Variants in GLI4 observed in about 807,000 individuals in gnomAD.
GLI4 encodes the protein GLI family zinc finger 4.
A neutral mutation model predicts 30.9 loss-of-function variants in GLI4; 34 were observed. The observed-to-expected ratio is 1.10, with a 90% CI of 0.84 to 1.47. The LOEUF is 1.47. Among genes scored for constraint, GLI4 ranks in the 40% most tolerant of loss-of-function variants. The probability of loss-of-function intolerance (pLI) is 0.00; values close to 1 mark genes in which losing one functional copy is unlikely to be tolerated. For missense variants in GLI4, 696 were observed against 538.9 expected, an observed-to-expected ratio of 1.29 and a Z score of -2.89; for synonymous variants, 277 against 236.7, an observed-to-expected ratio of 1.17 and a Z score of -1.56.
At chr8:143,270,886 A>G (rs1232099839) in intron 2 of GLI4, among the ~76,000 whole-genome samples, 1 of 152,202 alleles carries the variant, frequency 6.6e-6, no homozygotes, top group East Asian at 1.9e-4. Flanking sequence ...GCTGCAGGCC[A>G]GTTTCTGCAG....
chr8:143,275,953 G>GA lies in GLI4; in HGVS notation c.281dup (p.Ala96GlyfsTer25). On this transcript the variant is annotated frameshift_variant, in exon 4 of 4. Transcript: ENST00000340042. LOFTEE classifies it low-confidence loss of function (END_TRUNC). ...CTCTCCTGGCTCTCAGGCCCCTGAC[G>GA]AGGGGGCGGGCGGGGCGCTGCGCAG... The GA allele has an allele frequency of 7.5e-7, 1 of 1,330,594 alleles. No homozygotes were observed. The allele number at this position is 1,330,594 out of a possible 1,614,324, so 82.4% of individuals were successfully genotyped here. A position where few individuals can be genotyped will look rare whatever the true frequency, so the allele number is the denominator to read the frequency against.
chr8:143,269,712 G>C (rs1255191630), intron 2 of GLI4, among the ~76,000 whole-genome samples, 192 bp downstream of exon 2: 1 of 152,228 alleles, frequency 6.6e-6, no homozygotes, highest in Non-Finnish European at 1.5e-5. Flanking sequence ...TTGGGGCAGC[G>C]GTGGTTGAGG....
chr8:143,271,785 G>A (rs983508790), intron 2 of GLI4, among the ~76,000 whole-genome samples: 6 of 152,160 alleles, frequency 3.9e-5, no homozygotes, highest in South Asian at 4.1e-4. Flanking sequence ...AGGAGCGGCC[G>A]GGTAAGGTTC....
At position 143,276,512 on chromosome 8, in the gene GLI4, C is replaced by T; in HGVS notation, c.839C>T (p.Ser280Phe). 1 of 1,613,044 alleles carries T rather than the reference C, an allele frequency of 6.2e-7. No homozygotes were observed. Among genetic ancestry groups the T allele is most frequent in the Non-Finnish European group, 8.5e-7 (1 of 1,179,848 alleles). The change falls in exon 4 of 4, where the codon TCC (serine) becomes TTC (phenylalanine). Residue 280 changes from serine (S) to phenylalanine (F), a missense_variant. Physicochemically the swap from Ser to Phe is radical, Grantham distance 155. Coordinates refer to ENST00000340042, the MANE Select transcript of GLI4 (RefSeq NM_138465.4). ...GECGQAFSQS[S>F]NLVRHQRLHT... ...TGCGGCCAGGCCTTCAGCCAGAGCT[C>T]CAACCTGGTGCGCCACCAGCGGCTG... is the stretch of plus-strand genomic sequence containing the variant.
intron 3 of GLI4, 79 bp downstream of exon 3, chr8:143,274,881 ACCC>A: frequency 1.3e-6 from 2 of 1,501,010 alleles, no homozygotes; most frequent in Non-Finnish European, 1.8e-6. Flanking sequence ...CCTCTGTGGC[ACCC>A]CCAATGCTGG....
rs768516465 is a variant in GLI4, at chr8:143,276,348, C to T, written c.675C>T (p.Gly225=). Residue 225 remains glycine (G), a synonymous_variant, in exon 4 of 4, where the codon GGC becomes GGT. Coordinates refer to ENST00000340042, the MANE Select transcript of GLI4 (RefSeq NM_138465.4). Reference sequence around the variant, plus strand: ...GCAAGCGCTTCCGCGGCTGGTCGGGCTTCATCCAGCACCACCGCATCCACA... The same window carrying T: ...GCAAGCGCTTCCGCGGCTGGTCGGGTTTCATCCAGCACCACCGCATCCACA... The part of the protein sequence containing the change: ...ECGKRFRGWS[G]FIQHHRIHTG... The T allele has an allele frequency of 6.2e-7, 1 of 1,607,762 alleles. No homozygotes were observed. Among genetic ancestry groups the T allele is most frequent in the African/African-American group, 1.4e-5 (1 of 73,616 alleles).
intron 2 of GLI4, chr8:143,273,170 C>T (rs1446571427): frequency 1.3e-5 from 2 of 152,404 alleles, no homozygotes; most frequent in Non-Finnish European, 2.9e-5. Context: ...CTCACCGCCC[C>T]CTCTGTAGGA....
chr8:143,276,494 A>G lies in GLI4; in HGVS notation c.821A>G (p.Gln274Arg). The change falls in exon 4 of 4, where the codon CAG (glutamine) becomes CGG (arginine). Residue 274 changes from glutamine (Q) to arginine (R), a missense_variant. Gln to Arg is a conservative substitution (Grantham distance 43). Transcript: ENST00000340042. Reference protein sequence around the residue: ...EKPYKCGECGQAFSQSSNLVR... With the variant: ...EKPYKCGECGRAFSQSSNLVR... Reference sequence around the variant, plus strand: ...CCCTACAAGTGCGGCGAGTGCGGCCAGGCCTTCAGCCAGAGCTCCAACCTG... The same window carrying G: ...CCCTACAAGTGCGGCGAGTGCGGCCGGGCCTTCAGCCAGAGCTCCAACCTG... The G allele has an allele frequency of 6.2e-7, 1 of 1,613,060 alleles. No homozygotes were observed. Among genetic ancestry groups the G allele is most frequent in the Non-Finnish European group, 8.5e-7 (1 of 1,179,850 alleles).
chr8:143,275,633 C>T (rs1477834912), intron 3 of GLI4: 1 of 1,233,388 alleles, frequency 8.1e-7, no homozygotes, highest in Non-Finnish European at 1.0e-6. Flanking sequence ...CTCCGTGCAC[C>T]GGCACGGCCG....
At chr8:143,274,549 C>G in intron 2 of GLI4, 155 bp from the exon 3 acceptor site, 1 of 623,000 alleles carries the variant, frequency 1.6e-6, no homozygotes, top group Non-Finnish European at 2.5e-6. Flanking sequence ...GCATTCGTGG[C>G]TAGAGAAGCC....
intron 1 of GLI4, chr8:143,268,015 C>T (rs1815176744): frequency 2.0e-6 from 2 of 985,348 alleles, no homozygotes; most frequent in Middle Eastern, 5.2e-4. Context: ...GGGGCGTCCA[C>T]GCTGTGATGG....
intron 1 of GLI4, chr8:143,267,970 CT>C: frequency 1.0e-6 from 1 of 985,430 alleles, no homozygotes; most frequent in Non-Finnish European, 1.2e-6. Context: ...CCCCTTCAGT[CT>C]GGAGCTCAGA....
rs767328365 is a variant in GLI4 at position 143,276,654 on chromosome 8, C to T, written c.981C>T (p.Asp327=). The T allele has an allele frequency of 6.2e-7, 1 of 1,611,968 alleles. No individual in the cohort carries two copies. Among genetic ancestry groups the T allele is most frequent in the South Asian group, 1.1e-5 (1 of 91,010 alleles). The change falls in exon 4 of 4, where the codon GAC becomes GAT. Residue 327 remains aspartate, a synonymous_variant. Coordinates refer to ENST00000340042, the MANE Select transcript of GLI4 (RefSeq NM_138465.4). ...HTGEKPYECS[D]CGKAFRGRSH... ...GCGAGAAGCCCTACGAGTGCTCCGA[C>T]TGCGGCAAAGCCTTCCGCGGCCGCT...
Position 143,276,295 on chromosome 8 carries a change from G to A in GLI4, c.622G>A (p.Glu208Lys). The stretch of plus-strand genomic sequence containing the variant: ...GAAGCACCAGCGCATCCACACGGGC[G>A]AGAAGCCCTACGCCTGCCACGAGTG... ...LLKHQRIHTG[E>K]KPYACHECGK... is the part of the protein sequence containing the mutation. Residue 208 changes from glutamate (E) to lysine (K), a missense_variant, in exon 4 of 4, where the codon GAG becomes AAG. Physicochemically the swap from Glu to Lys is moderately conservative, Grantham distance 56. Coordinates refer to ENST00000340042, the MANE Select transcript of GLI4 (RefSeq NM_138465.4). 6.2e-7 allele frequency: 1 copy of A among 1,611,800 alleles called. No homozygotes were observed. Among genetic ancestry groups the A allele is most frequent in the Non-Finnish European group, 8.5e-7 (1 of 1,179,506 alleles).
intron 1 of GLI4, among the ~76,000 whole-genome samples, chr8:143,268,286 C>T (rs938131225): frequency 2.0e-5 from 3 of 152,212 alleles, no homozygotes; most frequent in Admixed American, 6.5e-5. Flanking sequence ...GTCTGCTGTT[C>T]TTAGATCTGA....
At position 143,276,839 on chromosome 8, in the gene GLI4, C is replaced by T; in HGVS notation, c.*35C>T. 7.4e-7 allele frequency: 1 copy of T among 1,344,404 alleles called. No individual in the cohort carries two copies. Among genetic ancestry groups the T allele is most frequent in the South Asian group, 1.4e-5 (1 of 71,778 alleles). The allele number at this position is 1,344,404 out of a possible 1,614,324, so 83.3% of individuals were successfully genotyped here. On this transcript the variant is annotated 3_prime_UTR_variant, in exon 4 of 4. Transcript: ENST00000340042. ...GGCTCGGGGCTCGGCCTCCTACCTG[C>T]CCCCAACCCACCCTCCACCCCGTCC...
At chr8:143,268,470 C>G (rs2129658543) in intron 1 of GLI4, among the ~76,000 whole-genome samples, 1 of 152,314 alleles carries the variant, frequency 6.6e-6, no homozygotes. Context: ...TCTCCCAGTG[C>G]TGCTGCAGGG....
At chr8:143,271,763 GTGAGGGGCA>G in intron 2 of GLI4, among the ~76,000 whole-genome samples, 1 of 152,278 alleles carries the variant, frequency 6.6e-6, no homozygotes, top group African/African-American at 2.4e-5. Context: ...GGGGAGGGTC[GTGAGGGGCA>G]TGAGGAGCGG....
chr8:143,272,158 C>T (rs1198405078), intron 2 of GLI4, among the ~76,000 whole-genome samples: 3 of 152,150 alleles, frequency 2.0e-5, no homozygotes, highest in African/African-American at 7.2e-5. Flanking sequence ...GGCTTGCAGC[C>T]CTGTGGGGGT....
Sources: allele counts gnomAD v4.1 joint callset (sites outside exome capture counted in the v4.1 genomes callset), GRCh38; gene constraint gnomAD v4.1.1; transcripts MANE v1.5; gene names NCBI Gene and HGNC (gene_info 2026-07-23, HGNC 2026-07-21).